Variants in HECW1 observed in about 807,000 individuals in gnomAD.
The protein encoded by HECW1 is HECT, C2 and WW domain containing E3 ubiquitin protein ligase 1.
A neutral mutation model predicts 182.3 loss-of-function variants in HECW1; 61 were observed. The observed-to-expected ratio is 0.33, with a 90% CI of 0.27 to 0.41. HECW1 has a LOEUF of 0.41. Ranked by LOEUF, HECW1 falls within the 10% of genes least tolerant of loss-of-function variation. The pLI, the probability that HECW1 is intolerant of heterozygous loss-of-function variation, is 1.00. For missense variants in HECW1, 1,739 were observed against 2,108.9 expected (o/e 0.82, Z 3.44); for synonymous variants, 859 against 832.6 (o/e 1.03, Z -0.55).
chr7:43,559,840 A>T (rs1459833336), intron 29 of HECW1, among the ~76,000 whole-genome samples: 1 of 152,190 alleles, frequency 6.6e-6, no homozygotes, highest in Non-Finnish European at 1.5e-5. Flanking sequence ...TTCATTCTAG[A>T]TGACAAACTA....
At chr7:43,207,955 G>A (rs1470390743) in intron 2 of HECW1, 1 of 152,112 alleles carries the variant, frequency 6.6e-6, no homozygotes, top group Non-Finnish European at 1.5e-5. Flanking sequence ...CTGTACCTTT[G>A]TGTAGATTTA....
chr7:43,118,623 C>T (rs1785274842), intron 2 of HECW1: 1 of 152,146 alleles, frequency 6.6e-6, no homozygotes, highest in Non-Finnish European at 1.5e-5. Context: ...TACCGTTATT[C>T]ATAATTCCTT....
intron 2 of HECW1, among the ~76,000 whole-genome samples, chr7:43,209,822 G>A (rs190694791): frequency 6.6e-5 from 10 of 152,326 alleles, no homozygotes; most frequent in Middle Eastern, 3.4e-3. Flanking sequence ...CATTCCAGAA[G>A]AGTGAAGGGA....
intron 5 of HECW1, among the ~76,000 whole-genome samples, chr7:43,331,534 A>C (rs1811486977): frequency 6.6e-6 from 1 of 151,606 alleles, no homozygotes. Context: ...TGGAGTTTGC[A>C]GTGAGCCGAG....
At position 43,160,839 on chromosome 7, in the gene HECW1, A is replaced by C. The variant is rs559078247; in HGVS notation, c.-32+46448A>C. On this transcript the variant is annotated intron_variant, in intron 2 of 29. Coordinates refer to ENST00000395891, the MANE Select transcript of HECW1 (RefSeq NM_015052.5). The stretch of plus-strand genomic sequence containing the variant: ...TCAGGGACAAGCTCTTTTGTTCATG[A>C]GTTTCAGCACTTCTACTGTTCCCGC... Among the ~76,000 whole-genome samples, 7 of 152,192 alleles carry C rather than the reference A, an allele frequency of 4.6e-5. No individual in the cohort carries two copies. In the South Asian group the frequency reaches 1.4e-3, roughly 32 times the overall value.
chr7:43,303,800 C>T (rs1807172321), intron 3 of HECW1, among the ~76,000 whole-genome samples: 1 of 152,006 alleles, frequency 6.6e-6, no homozygotes, highest in Non-Finnish European at 1.5e-5. Context: ...GCAGCCACCT[C>T]CCACTCTCCT....
chr7:43,360,300 G>A (rs939635620), intron 5 of HECW1, among the ~76,000 whole-genome samples: 2 of 150,808 alleles, frequency 1.3e-5, no homozygotes. Flanking sequence ...CAGCATTAAA[G>A]TCCTGAGCTC....
rs530151185 is a variant in HECW1, at chr7:43,246,345, C to T, written c.27+2413C>T. On this transcript the variant is annotated intron_variant, in intron 3 of 29. Transcript: ENST00000395891. ...AAACTAGGGATCATTTAATTGACCACTTAATGTATTTTCAGCTTCTGGAAT... is the reference window on the plus strand; with the variant it reads ...AAACTAGGGATCATTTAATTGACCATTTAATGTATTTTCAGCTTCTGGAAT... Among the ~76,000 whole-genome samples the T allele has an allele frequency of 3.1e-4, 47 of 152,274 alleles. No homozygotes were observed. In the South Asian group the frequency reaches 9.8e-3, roughly 32 times the overall value.
At chr7:43,528,609 A>G (rs1237962182) in intron 24 of HECW1, among the ~76,000 whole-genome samples, 1 of 152,198 alleles carries the variant, frequency 6.6e-6, no homozygotes, top group African/African-American at 2.4e-5. Flanking sequence ...AAGAGTCTGC[A>G]TAAGGTACTT....
intron 6 of HECW1, among the ~76,000 whole-genome samples, chr7:43,381,995 G>A (rs1240705550): frequency 6.6e-6 from 1 of 151,490 alleles, no homozygotes; most frequent in Non-Finnish European, 1.5e-5. Flanking sequence ...TAATGATATG[G>A]ATAGAAGATA....
At position 43,562,236 on chromosome 7, in the gene HECW1, T is replaced by G. The variant is rs567254898; in HGVS notation, c.*310T>G. On this transcript the variant is annotated 3_prime_UTR_variant, in exon 30 of 30. Coordinates refer to ENST00000395891, the MANE Select transcript of HECW1 (RefSeq NM_015052.5). ...CTAACAATGAAATATGAATGCAAGT[T>G]AAGCTACACTTGACCAAATGGTAAT... The G allele has an allele frequency of 6.8e-5, 19 of 278,802 alleles. No homozygotes were observed. Among genetic ancestry groups the G allele is most frequent in the Non-Finnish European group, 1.1e-4 (17 of 148,190 alleles). The allele number at this position is 278,802 out of a possible 1,614,324, so 17.3% of individuals were successfully genotyped here. A position where few individuals can be genotyped will look rare whatever the true frequency, so the allele number is the denominator to read the frequency against.
intron 2 of HECW1, among the ~76,000 whole-genome samples, chr7:43,225,510 T>C (rs991638645): frequency 2.6e-5 from 4 of 152,140 alleles, no homozygotes; most frequent in Non-Finnish European, 5.9e-5. Flanking sequence ...TAAATGCTCA[T>C]CTGTAGGAGA....
chr7:43,384,433 C>T (rs1007252962), intron 6 of HECW1, among the ~76,000 whole-genome samples: 2 of 152,184 alleles, frequency 1.3e-5, no homozygotes, highest in African/African-American at 4.8e-5. Flanking sequence ...TGGCGGTGTG[C>T]CTGGGGCTGG....
Position 43,456,338 on chromosome 7 carries a change from G to T in HECW1, c.2542G>T (p.Val848Leu). The change falls in exon 13 of 30, where the codon GTG (valine) becomes TTG (leucine). Residue 848 changes from valine to leucine, a missense_variant. Physicochemically the swap from Val to Leu is conservative, Grantham distance 32 (BLOSUM62 1). Transcript: ENST00000395891. ...TGACAGCCACGGGCGGGTCTTTTATGTGGACCACGTGAACCGCACAACCAC... is the reference window on the plus strand; with the variant it reads ...TGACAGCCACGGGCGGGTCTTTTATTTGGACCACGTGAACCGCACAACCAC... ...RIDSHGRVFY[V>L]DHVNRTTTWQ... 2 of 1,613,920 alleles carry T rather than the reference G, an allele frequency of 1.2e-6. No homozygotes were observed. The highest frequency in any genetic ancestry group is 1.7e-6 in the Non-Finnish European group (2 of 1,179,864).
chr7:43,263,892 A>G (rs757615898), intron 3 of HECW1, among the ~76,000 whole-genome samples: 9 of 152,192 alleles, frequency 5.9e-5, no homozygotes, highest in Admixed American at 3.3e-4. Context: ...ATTATTTACC[A>G]TTCACAAATC....
intron 16 of HECW1, among the ~76,000 whole-genome samples, chr7:43,479,397 C>T (rs1052205017): frequency 6.6e-6 from 1 of 152,186 alleles, no homozygotes; most frequent in African/African-American, 2.4e-5. Context: ...GTAATGCTCA[C>T]TCGCCCGTGG....
intron 16 of HECW1, among the ~76,000 whole-genome samples, chr7:43,470,436 A>G (rs1407083077): frequency 2.0e-5 from 3 of 152,210 alleles, no homozygotes; most frequent in Non-Finnish European, 4.4e-5. Context: ...GCACCAAGAT[A>G]AGGATGACAG....
intron 28 of HECW1, among the ~76,000 whole-genome samples, chr7:43,553,483 G>A (rs1433363839): frequency 1.3e-5 from 2 of 152,002 alleles, no homozygotes; most frequent in African/African-American, 4.8e-5. Flanking sequence ...TTCGAGACCA[G>A]CCTGGTGAAA....
At chr7:43,529,331 C>T (rs77511772) in intron 24 of HECW1, among the ~76,000 whole-genome samples, 3,030 of 152,208 alleles carry the variant, frequency 0.02, 94 homozygotes, top group African/African-American at 0.068. Flanking sequence ...CTGCTCCATG[C>T]TTGCACCCCA....
Sources: gnomAD v4.1 joint callset for allele counts (sites outside exome capture counted in the v4.1 genomes callset) on GRCh38, gnomAD v4.1.1 for gene constraint, MANE v1.5 for transcripts, NCBI Gene and HGNC (gene_info 2026-07-23, HGNC 2026-07-21) for gene names.